Variants in KBTBD11 observed in about 807,000 individuals in gnomAD.
KBTBD11 encodes the protein kelch repeat and BTB domain containing 11, also known as kelch repeat and BTB domain-containing protein 11.
For synonymous variants in KBTBD11, 747 were observed against 499.0 expected (o/e 1.50, Z -6.63); for missense variants, 1,390 against 1,001.8 (o/e 1.39, Z -5.23).
Position 2,000,426 on chromosome 8 carries a change from G to C in KBTBD11, c.-767G>C, listed in dbSNP as rs558152807. 1 of 152,258 alleles carries C rather than the reference G, an allele frequency of 6.6e-6. No homozygotes were observed. The highest frequency in any genetic ancestry group is 1.5e-5 in the Non-Finnish European group (1 of 68,116). The allele number at this position is 152,258 out of a possible 1,614,324, so 9.4% of individuals were successfully genotyped here. A position where few individuals can be genotyped will look rare whatever the true frequency, so the allele number is the denominator to read the frequency against. ...TAACATCCCCCTGGCAGTGAATTAC[G>C]GATGACCCCGTATATGAGGAGGTGT... is the stretch of plus-strand genomic sequence containing the variant. On this transcript the variant is annotated 5_prime_UTR_variant, in exon 2 of 2. Coordinates refer to ENST00000320248, the MANE Select transcript of KBTBD11 (RefSeq NM_014867.3).
chr8:1,988,623 G>A (rs1397196916), intron 1 of KBTBD11, among the ~76,000 whole-genome samples: 2 of 152,090 alleles, frequency 1.3e-5, no homozygotes, highest in Non-Finnish European at 2.9e-5. Context: ...CTGGATATTA[G>A]CCCCTCCTGG....
At chr8:1,979,002 G>A (rs1381643843) in intron 1 of KBTBD11, among the ~76,000 whole-genome samples, 2 of 152,186 alleles carry the variant, frequency 1.3e-5, no homozygotes, top group Non-Finnish European at 2.9e-5. Context: ...CAGGAGAACT[G>A]CTGTAGGCCC....
At chr8:1,996,693 GTAT>G (rs1817154537) in intron 1 of KBTBD11, among the ~76,000 whole-genome samples, 1 of 152,244 alleles carries the variant, frequency 6.6e-6, no homozygotes, top group Admixed American at 6.5e-5. Context: ...TTAGCAAGCA[GTAT>G]TATTAAAATA....
chr8:2,001,069 T>G lies in KBTBD11; in HGVS notation c.-124T>G, dbSNP rs1287243718. 12 of 1,216,240 alleles carry G rather than the reference T, an allele frequency of 9.9e-6. No individual in the cohort carries two copies. Among genetic ancestry groups the G allele is most frequent in the South Asian group, 6.2e-5 (2 of 32,146 alleles). 75.3% of individuals were successfully genotyped at this position (1,216,240 alleles called of 1,614,324 possible). On this transcript the variant is annotated 5_prime_UTR_variant, in exon 2 of 2. Coordinates refer to ENST00000320248, the MANE Select transcript of KBTBD11 (RefSeq NM_014867.3). The stretch of plus-strand genomic sequence containing the variant: ...ACAACAAAGCGTGGACACACAGAAG[T>G]GAAATCTGATCGCGTGCCAGGAAAA...
Position 2,004,541 on chromosome 8 carries a change from T to C in KBTBD11, c.*1477T>C, listed in dbSNP as rs181922107. The stretch of plus-strand genomic sequence containing the variant: ...TAGAAATCAGTGGGTAATTGAAAAA[T>C]AGGTTATGCTTTTTAAAGAGTCTGT... On this transcript the variant is annotated 3_prime_UTR_variant, in exon 2 of 2. Coordinates refer to ENST00000320248, the MANE Select transcript of KBTBD11 (RefSeq NM_014867.3). 1 of 167,188 alleles carries C rather than the reference T, an allele frequency of 6.0e-6. No individual in the cohort carries two copies. Among genetic ancestry groups the C allele is most frequent in the Admixed American group, 6.5e-5 (1 of 15,306 alleles). The allele number at this position is 167,188 out of a possible 1,614,324, so 10.4% of individuals were successfully genotyped here.
intron 1 of KBTBD11, among the ~76,000 whole-genome samples, chr8:1,999,108 T>C (rs2129315506): frequency 6.6e-6 from 1 of 152,300 alleles, no homozygotes; most frequent in Non-Finnish European, 1.5e-5. Flanking sequence ...TCTATGCACA[T>C]AGGGAGTGTG....
intron 1 of KBTBD11, among the ~76,000 whole-genome samples, chr8:1,996,677 C>T (rs1005798492): frequency 6.6e-6 from 1 of 152,106 alleles, no homozygotes; most frequent in African/African-American, 2.4e-5. Flanking sequence ...GAAAGGAAGA[C>T]TCTTTTTAGC....
chr8:1,988,492 G>A (rs2129311859), intron 1 of KBTBD11, among the ~76,000 whole-genome samples: 1 of 152,316 alleles, frequency 6.6e-6, no homozygotes, highest in East Asian at 1.9e-4. Context: ...GTGATGGTGA[G>A]CATTTTTTCA....
intron 1 of KBTBD11, chr8:1,974,310 C>G (rs979943927): frequency 3.0e-6 from 3 of 984,338 alleles, no homozygotes; most frequent in Non-Finnish European, 3.6e-6. Context: ...GACAATGAGC[C>G]GCCCGCGCCG....
At chr8:1,985,999 C>A (rs1465125245) in intron 1 of KBTBD11, among the ~76,000 whole-genome samples, 1 of 152,252 alleles carries the variant, frequency 6.6e-6, no homozygotes, top group Non-Finnish European at 1.5e-5. Flanking sequence ...ACTGTCTCTT[C>A]CTGCTCACAT....
At chr8:1,974,248 C>T in intron 1 of KBTBD11, 3 of 967,296 alleles carry the variant, frequency 3.1e-6, no homozygotes, top group Non-Finnish European at 3.7e-6. Flanking sequence ...TGGGGGCCTC[C>T]TCGCGGGGTC....
In KBTBD11 at chr8:2,006,675, A is replaced by G. The variant is rs911009249; in HGVS notation, c.*3611A>G. On this transcript the variant is annotated 3_prime_UTR_variant, in exon 2 of 2. Transcript: ENST00000320248. ...AAGTGGATGGATTTGGATTGAACGC[A>G]TATGAAACAGGAGACGGGTTCTCAT... is the stretch of plus-strand genomic sequence containing the variant. The G allele has an allele frequency of 2.4e-5, 4 of 167,132 alleles. No homozygotes were observed. Among genetic ancestry groups the G allele is most frequent in the African/African-American group, 7.2e-5 (3 of 41,468 alleles). The allele number at this position is 167,132 out of a possible 1,614,324, so 10.4% of individuals were successfully genotyped here.
intron 1 of KBTBD11, among the ~76,000 whole-genome samples, chr8:1,985,165 C>T (rs921752343): frequency 4.6e-5 from 7 of 152,194 alleles, no homozygotes; most frequent in African/African-American, 1.4e-4. Flanking sequence ...AGAGGGTGGC[C>T]GATGGCCGAA....
chr8:2,001,693 G>C lies in KBTBD11; in HGVS notation c.501G>C (p.Ala167=). The C allele has an allele frequency of 7.0e-7, 1 of 1,435,454 alleles. No individual in the cohort carries two copies. Among genetic ancestry groups the C allele is most frequent in the Non-Finnish European group, 9.1e-7 (1 of 1,099,508 alleles). The allele number at this position is 1,435,454 out of a possible 1,614,324, so 88.9% of individuals were successfully genotyped here. A position where few individuals can be genotyped will look rare whatever the true frequency, so the allele number is the denominator to read the frequency against. ...CGGCGCGCAGCGACTACTTCCGCGC[G>C]CGCGCGTCGCGGGACGTGCTGCGGG... ...VLAARSDYFR[A]RASRDVLRVQ... The change falls in exon 2 of 2, where the codon GCG becomes GCC. Residue 167 remains alanine, a synonymous_variant. Coordinates refer to ENST00000320248, the MANE Select transcript of KBTBD11 (RefSeq NM_014867.3).
At chr8:1,998,603 C>G (rs1420396068) in intron 1 of KBTBD11, among the ~76,000 whole-genome samples, 2 of 152,180 alleles carry the variant, frequency 1.3e-5, no homozygotes, top group African/African-American at 2.4e-5. Context: ...AGAGCCCTTT[C>G]TAGGCCAAGA....
chr8:1,984,737 C>A (rs1322945828), intron 1 of KBTBD11, among the ~76,000 whole-genome samples: 1 of 152,104 alleles, frequency 6.6e-6, no homozygotes, highest in African/African-American at 2.4e-5. Flanking sequence ...ATGTGGCAGA[C>A]TTTTGAAACA....
At chr8:1,983,403 C>T (rs546987628) in intron 1 of KBTBD11, among the ~76,000 whole-genome samples, 1 of 152,184 alleles carries the variant, frequency 6.6e-6, no homozygotes, top group African/African-American at 2.4e-5. Context: ...GCTGGGTGCT[C>T]CTTGTAACCC....
intron 1 of KBTBD11, among the ~76,000 whole-genome samples, chr8:1,993,729 G>T (rs1428688162): frequency 6.6e-6 from 1 of 151,818 alleles, no homozygotes; most frequent in Non-Finnish European, 1.5e-5. Context: ...GCTAAAATAA[G>T]ACTTTCTCTG....
rs1287536982 is a variant in KBTBD11, at chr8:2,001,896, A to G, written c.704A>G (p.Asn235Ser). ...DAVGPQLSLA[N>S]CYEVLSAAKR... Reference sequence around the variant, plus strand: ...GTGGGGCCGCAGCTGAGCCTGGCCAACTGCTACGAGGTCCTGAGCGCGGCC... The same window carrying G: ...GTGGGGCCGCAGCTGAGCCTGGCCAGCTGCTACGAGGTCCTGAGCGCGGCC... The change falls in exon 2 of 2, where the codon AAC becomes AGC. Residue 235 changes from asparagine (N) to serine (S), a missense_variant. Coordinates refer to ENST00000320248, the MANE Select transcript of KBTBD11 (RefSeq NM_014867.3). 1 of 1,415,642 alleles carries G rather than the reference A, an allele frequency of 7.1e-7. No individual in the cohort carries two copies. The highest frequency in any genetic ancestry group is 9.3e-7 in the Non-Finnish European group (1 of 1,076,344). 87.7% of individuals were successfully genotyped at this position (1,415,642 alleles called of 1,614,324 possible). A position where few individuals can be genotyped will look rare whatever the true frequency, so the allele number is the denominator to read the frequency against.
Sources: allele counts gnomAD v4.1 joint callset (sites outside exome capture counted in the v4.1 genomes callset), GRCh38; gene constraint gnomAD v4.1.1; transcripts MANE v1.5; gene names NCBI Gene and HGNC (gene_info 2026-07-23, HGNC 2026-07-21).